Variants in AKR1C3 observed in about 807,000 individuals in gnomAD.
AKR1C3 encodes aldo-keto reductase family 1 member C3.
In AKR1C3, 48 loss-of-function variants were observed where a neutral mutation model predicts 43.6. The observed-to-expected ratio is 1.10, with a 90% CI of 0.87 to 1.40. The LOEUF is 1.40. Among genes scored for constraint, AKR1C3 ranks in the 40% most tolerant of loss-of-function variants. The pLI, the probability that AKR1C3 is intolerant of heterozygous loss-of-function variation, is 0.00. For missense variants in AKR1C3, 482 were observed against 391.2 expected (o/e 1.23, Z -1.96); for synonymous variants, 162 against 139.6 (o/e 1.16, Z -1.13).
chr10:5,052,802 G>A (rs550511724), intron 1 of AKR1C3, among the ~76,000 whole-genome samples: 13 of 152,112 alleles, frequency 8.5e-5, no homozygotes, highest in Admixed American at 6.5e-4. Flanking sequence ...ACAGAGTGTC[G>A]ATTGGTGCAT....
rs1286549687 is a variant in AKR1C3, at chr10:5,081,169, T to C, written c.85-15241T>C. Among the ~76,000 whole-genome samples the C allele has an allele frequency of 2.0e-5, 3 of 152,192 alleles. No individual in the cohort carries two copies. The East Asian group carries it at 5.8e-4, about 29-fold the overall frequency. ...AAACTTCTTCACATTACAGAAGTTA[T>C]CTATAGAAGTTAGGGCCTTGTAATA... On this transcript the variant is annotated intron_variant, in intron 1 of 8. Coordinates refer to the AKR1C3 transcript ENST00000439082.
At chr10:5,063,000 G>C (rs1838413743) in intron 1 of AKR1C3, among the ~76,000 whole-genome samples, 1 of 152,152 alleles carries the variant, frequency 6.6e-6, no homozygotes, top group Admixed American at 6.5e-5. Context: ...TACAAGAAAT[G>C]CTGAAGTGAA....
At chr10:5,088,314 C>T (rs886262680) in intron 1 of AKR1C3, among the ~76,000 whole-genome samples, 10 of 151,800 alleles carry the variant, frequency 6.6e-5, no homozygotes, top group African/African-American at 2.2e-4. Context: ...GTAGAATGTT[C>T]TGTAAATGAT....
Position 5,048,955 on chromosome 10 carries a change from C to G in AKR1C3, c.84+60C>G. On this transcript the variant is annotated intron_variant, in intron 1 of 8. Coordinates refer to the AKR1C3 transcript ENST00000439082. Reference sequence around the variant, plus strand: ...AGAGCAAAGCCAGAATAAGTGGAAGCTGACCTGGGTTGTCAGGTTTGTGTT... The same window carrying G: ...AGAGCAAAGCCAGAATAAGTGGAAGGTGACCTGGGTTGTCAGGTTTGTGTT... 2.1e-6 allele frequency: 3 copies of G among 1,407,174 alleles called. No individual in the cohort carries two copies. The East Asian group carries it at 6.8e-5, about 32-fold the overall frequency. 87.2% of individuals were successfully genotyped at this position (1,407,174 alleles called of 1,614,324 possible).
intron 1 of AKR1C3, among the ~76,000 whole-genome samples, chr10:5,059,671 C>A (rs1334079761): frequency 6.6e-6 from 1 of 152,126 alleles, no homozygotes; most frequent in Non-Finnish European, 1.5e-5. Flanking sequence ...GGTATTTAGC[C>A]CCCAAATTCT....
chr10:5,094,596 G>T, intron 1 of AKR1C3, 68 bp downstream of exon 1: 1 of 1,547,826 alleles, frequency 6.5e-7, no homozygotes. Context: ...AACCCGTATT[G>T]GGTTGTAAGG....
chr10:5,077,725 A>G, intron 1 of AKR1C3: 1 of 1,180,418 alleles, frequency 8.5e-7, no homozygotes, highest in Non-Finnish European at 1.0e-6. Context: ...TTCCCTTTAG[A>G]GAAAAAAGAA....
At chr10:5,099,778 G>A (rs1839302074) in intron 5 of AKR1C3, 3 of 311,096 alleles carry the variant, frequency 9.6e-6, no homozygotes, top group East Asian at 1.4e-4. Context: ...AAGTGCATGG[G>A]TGAAGGTGAT....
chr10:5,082,209 G>A (rs1409127902), intron 1 of AKR1C3, among the ~76,000 whole-genome samples: 1 of 152,030 alleles, frequency 6.6e-6, no homozygotes, highest in Non-Finnish European at 1.5e-5. Context: ...GGTTTTCTAG[G>A]TATATAATCC....
intron 1 of AKR1C3, among the ~76,000 whole-genome samples, chr10:5,069,746 C>T (rs1554781156): frequency 2.0e-5 from 3 of 152,056 alleles, no homozygotes. Flanking sequence ...TGGTGGCAGG[C>T]ACCTGTAGTT....
intron 1 of AKR1C3, among the ~76,000 whole-genome samples, chr10:5,064,687 A>G (rs1838458604): frequency 1.3e-5 from 2 of 152,350 alleles, no homozygotes; most frequent in South Asian, 4.1e-4. Context: ...ATAACAAGCA[A>G]AAAGAACAAC....
chr10:5,106,877 A>G (rs1267534829), intron 8 of AKR1C3, among the ~76,000 whole-genome samples: 3 of 82,816 alleles, frequency 3.6e-5, no homozygotes, highest in African/African-American at 1.0e-4. Context: ...AAATTGGTAG[A>G]TATCATTGTT....
At chr10:5,062,854 T>TAAAA (rs57602420) in intron 1 of AKR1C3, among the ~76,000 whole-genome samples, 1 of 138,556 alleles carries the variant, frequency 7.2e-6, no homozygotes, top group Admixed American at 7.2e-5. Context: ...AACTCCTAGT[T>TAAAA]AAAAAAAAAA....
rs1290885623 is a variant in AKR1C3 at position 5,107,360 on chromosome 10, CAACTT to C, written c.930-97_930-93del. ...AAGGCAGATTCTACAACTAGTCAGA[CAACTT>C]AACATTCATACTAATGACAGCTTCA... On this transcript the variant is annotated intron_variant, in intron 8 of 8. Coordinates refer to ENST00000380554, the MANE Select transcript of AKR1C3 (RefSeq NM_003739.6). 13 of 831,018 alleles carry C rather than the reference CAACTT, an allele frequency of 1.6e-5. No homozygotes were observed. In the East Asian group the frequency reaches 2.4e-4, roughly 15 times the overall value. 51.5% of individuals were successfully genotyped at this position (831,018 alleles called of 1,614,324 possible). A position where few individuals can be genotyped will look rare whatever the true frequency, so the allele number is the denominator to read the frequency against.
At chr10:5,096,346 C>T (rs1554785107) in intron 1 of AKR1C3, 64 bp from the exon 2 acceptor site, 3 of 1,553,094 alleles carry the variant, frequency 1.9e-6, no homozygotes, top group East Asian at 2.3e-5. Flanking sequence ...AAAGTCAATG[C>T]TTGTGCCTGA....
Position 5,102,105 on chromosome 10 carries a change from A to AATG in AKR1C3, c.576_578dup (p.Glu192_Cys193insTer). 6.2e-7 allele frequency: 1 copy of AATG among 1,608,300 alleles called. No individual in the cohort carries two copies. The highest frequency in any genetic ancestry group is 1.1e-5 in the South Asian group (1 of 90,796). On this transcript the variant is annotated stop_gained and inframe_insertion, in exon 6 of 9. Transcript: ENST00000380554. LOFTEE classifies it high-confidence loss of function. ...CTCTCTTTTGGTCAACTGCAGGTAGAATGTCATCCGTATTTCAACCGGAGT... is the reference window on the plus strand; with the variant it reads ...CTCTCTTTTGGTCAACTGCAGGTAGAATGATGTCATCCGTATTTCAACCGGAGT...
intron 1 of AKR1C3, among the ~76,000 whole-genome samples, chr10:5,064,157 C>T (rs1469419393): frequency 1.3e-5 from 2 of 152,122 alleles, no homozygotes; most frequent in Admixed American, 6.5e-5. Context: ...CTATTTCCAC[C>T]ACATCTGCAG....
upstream of AKR1C3, chr10:5,094,260 C>A: frequency 2.3e-6 from 1 of 433,880 alleles, no homozygotes; most frequent in South Asian, 2.3e-5. Flanking sequence ...TGATAAGAAA[C>A]AAATGAACTG....
chr10:5,052,562 C>T (rs1554779067), intron 1 of AKR1C3, among the ~76,000 whole-genome samples: 1 of 152,000 alleles, frequency 6.6e-6, no homozygotes, highest in African/African-American at 2.4e-5. Context: ...CAAAGGTTCT[C>T]CAAGTCCCCA....
Sources: allele counts gnomAD v4.1 joint callset (sites outside exome capture counted in the v4.1 genomes callset), GRCh38; gene constraint gnomAD v4.1.1; transcripts MANE v1.5; gene names NCBI Gene and HGNC (gene_info 2026-07-23, HGNC 2026-07-21).